CSRNP3: variants seen among roughly 807,000 people sequenced by gnomAD.
The protein encoded by CSRNP3 is cysteine and serine rich nuclear protein 3.
In CSRNP3, 12 loss-of-function variants were observed where a neutral mutation model predicts 48.0. That is an observed-to-expected ratio of 0.25 (90% CI 0.16 to 0.41). The LOEUF is 0.41. Ranked by LOEUF, CSRNP3 falls within the 10% of genes least tolerant of loss-of-function variation. CSRNP3 has a pLI of 1.00. For missense variants in CSRNP3, 580 were observed against 724.4 expected (o/e 0.80, Z 2.29); for synonymous variants, 263 against 269.7 (o/e 0.98, Z 0.24).
At chr2:165,481,191 G>C (rs1684037944) in intron 1 of CSRNP3, among the ~76,000 whole-genome samples, 1 of 152,010 alleles carries the variant, frequency 6.6e-6, no homozygotes, top group African/African-American at 2.4e-5. Flanking sequence ...TGAATGAGAA[G>C]GTTATATGCT....
At chr2:165,587,009 G>A (rs944215181) in intron 3 of CSRNP3, among the ~76,000 whole-genome samples, 6 of 152,090 alleles carry the variant, frequency 3.9e-5, no homozygotes, top group African/African-American at 1.4e-4. Flanking sequence ...TGAAACAATT[G>A]TACTTATAAT....
At chr2:165,548,769 A>T (rs969811767) in intron 3 of CSRNP3, among the ~76,000 whole-genome samples, 3 of 152,028 alleles carry the variant, frequency 2.0e-5, no homozygotes, top group African/African-American at 7.2e-5. Context: ...GACTTATTTA[A>T]TTCTGGGTAT....
intron 4 of CSRNP3, among the ~76,000 whole-genome samples, chr2:165,627,637 T>G (rs1368162259): frequency 6.6e-6 from 1 of 152,168 alleles, no homozygotes; most frequent in Non-Finnish European, 1.5e-5. Flanking sequence ...TCTGGTGCCC[T>G]CCACTACTAG....
At chr2:165,607,604 T>A (rs1435067672) in intron 4 of CSRNP3, among the ~76,000 whole-genome samples, 1 of 152,168 alleles carries the variant, frequency 6.6e-6, no homozygotes, top group African/African-American at 2.4e-5. Flanking sequence ...AACATTCTTC[T>A]CCTGAGGTAT....
chr2:165,536,666 G>T (rs999169715), intron 3 of CSRNP3, among the ~76,000 whole-genome samples: 2 of 151,856 alleles, frequency 1.3e-5, no homozygotes, highest in African/African-American at 4.8e-5. Context: ...GCAGTGAATA[G>T]AAAATGTATG....
rs118102873 is a variant in CSRNP3, at chr2:165,584,310, A to G, written c.-23-10733A>G. On this transcript the variant is annotated intron_variant, in intron 3 of 6. Transcript: ENST00000651982. The stretch of plus-strand genomic sequence containing the variant: ...CAGCAAGTCCCAGCCTCATTTTTCT[A>G]GCCCTCACTCAAGATGGGGTCGCTC... 7.8e-3 allele frequency among the ~76,000 whole-genome samples: 1,193 copies of G among 152,218 alleles called. 19 individuals carry two copies. The highest frequency in any genetic ancestry group is 0.041 in the Admixed American group (627 of 15,290).
intron 4 of CSRNP3, among the ~76,000 whole-genome samples, chr2:165,645,875 T>A (rs1332900291): frequency 1.3e-5 from 2 of 151,960 alleles, no homozygotes; most frequent in African/African-American, 2.4e-5. Flanking sequence ...CCTTGTAGGT[T>A]TTTTTTGTTT....
chr2:165,620,035 A>C (rs1042056827), intron 4 of CSRNP3, among the ~76,000 whole-genome samples: 4 of 152,192 alleles, frequency 2.6e-5, no homozygotes, highest in South Asian at 2.1e-4. Context: ...ATATCACAGA[A>C]GCAAAAATAC....
chr2:165,625,913 CAAAA>C (rs71028496), intron 4 of CSRNP3, among the ~76,000 whole-genome samples: 1 of 123,272 alleles, frequency 8.1e-6, no homozygotes, highest in Admixed American at 8.3e-5. Flanking sequence ...AACTCCATCT[CAAAA>C]AAAAAAAAAG....
intron 3 of CSRNP3, among the ~76,000 whole-genome samples, chr2:165,551,106 C>T (rs1317260540): frequency 1.3e-5 from 2 of 152,012 alleles, no homozygotes; most frequent in Admixed American, 6.6e-5. Context: ...CCAAATATTC[C>T]CGAGCTTTAG....
chr2:165,679,138 G>A lies in CSRNP3; in HGVS notation c.1143G>A (p.Glu381=), dbSNP rs1332600095. 6.2e-7 allele frequency: 1 copy of A among 1,613,738 alleles called. No individual in the cohort carries two copies. Among genetic ancestry groups the A allele is most frequent in the Admixed American group, 1.7e-5 (1 of 59,986 alleles). Residue 381 remains glutamate (E), a synonymous_variant, in exon 7 of 7, where the codon GAG becomes GAA. Coordinates refer to ENST00000651982, the MANE Select transcript of CSRNP3 (RefSeq NM_001172173.2). ...AGGAGGAAGAAGAAGAGGAAGAGGA[G>A]GAGGAGGATGACGATGATGACAAAG... The part of the protein sequence containing the change: ...EEEEEEEEEE[E]EEDDDDDKGD...
At chr2:165,583,819 A>C (rs1454690473) in intron 3 of CSRNP3, among the ~76,000 whole-genome samples, 4 of 152,176 alleles carry the variant, frequency 2.6e-5, no homozygotes, top group Non-Finnish European at 5.9e-5. Flanking sequence ...AAACAAACAC[A>C]AGCATGTACA....
chr2:165,608,934 CAAA>C (rs33952227), intron 4 of CSRNP3, among the ~76,000 whole-genome samples: 1,327 of 75,582 alleles, frequency 0.018, 24 homozygotes, highest in South Asian at 0.058. Context: ...ACTAAAAATA[CAAA>C]AAAAAAAAAA....
intron 5 of CSRNP3, among the ~76,000 whole-genome samples, chr2:165,665,929 GAA>G (rs1472343165): frequency 1.4e-5 from 2 of 147,958 alleles, no homozygotes; most frequent in Non-Finnish European, 3.0e-5. Flanking sequence ...GAGGAAGAAA[GAA>G]AGAGAGAGGA....
intron 2 of CSRNP3, among the ~76,000 whole-genome samples, chr2:165,508,156 T>C (rs1684454172): frequency 6.6e-6 from 1 of 152,120 alleles, no homozygotes; most frequent in Non-Finnish European, 1.5e-5. Context: ...GAAAGTACAC[T>C]GACTAACATA....
intron 4 of CSRNP3, among the ~76,000 whole-genome samples, chr2:165,618,276 T>G (rs1686284455): frequency 6.6e-6 from 1 of 152,328 alleles, no homozygotes; most frequent in African/African-American, 2.4e-5. Flanking sequence ...GGCTGGCTGC[T>G]TTGCTTTCCT....
chr2:165,679,239 G>A lies in CSRNP3; in HGVS notation c.1244G>A (p.Gly415Asp). Reference protein sequence around the residue: ...PLPSVLCYSDGTAVHESHAKN... With the variant: ...PLPSVLCYSDDTAVHESHAKN... ...CCTTCAGTTCTTTGTTATTCTGATGGCACCGCCGTTCACGAAAGCCATGCA... is the reference window on the plus strand; with the variant it reads ...CCTTCAGTTCTTTGTTATTCTGATGACACCGCCGTTCACGAAAGCCATGCA... Residue 415 changes from glycine (G) to aspartate (D), a missense_variant, in exon 7 of 7, where the codon GGC becomes GAC. Physicochemically the swap from Gly to Asp is moderately conservative, Grantham distance 94 (BLOSUM62 -1). Around this residue, in one of 4 missense-constraint regions of CSRNP3, gnomAD observed 369 missense variants for 380.8 expected, o/e 0.97. Coordinates refer to ENST00000651982, the MANE Select transcript of CSRNP3 (RefSeq NM_001172173.2). 1 of 1,613,850 alleles carries A rather than the reference G, an allele frequency of 6.2e-7. No individual in the cohort carries two copies. Among genetic ancestry groups the A allele is most frequent in the Non-Finnish European group, 8.5e-7 (1 of 1,179,962 alleles).
intron 3 of CSRNP3, among the ~76,000 whole-genome samples, chr2:165,557,963 A>G (rs1469675903): frequency 1.3e-5 from 2 of 152,246 alleles, no homozygotes; most frequent in African/African-American, 2.4e-5. Context: ...AGAGAGAGTT[A>G]ATATTCTTAT....
intron 4 of CSRNP3, among the ~76,000 whole-genome samples, chr2:165,620,930 A>G (rs773360412): frequency 1.6e-4 from 24 of 152,134 alleles, no homozygotes; most frequent in Non-Finnish European, 2.9e-4. Flanking sequence ...TAATATTATC[A>G]TTGTGTTTTA....
Sources: gnomAD v4.1 joint callset for allele counts (sites outside exome capture counted in the v4.1 genomes callset) on GRCh38, gnomAD v4.1.1 for gene constraint, gnomAD v4.1.1 regional missense constraint, MANE v1.5 for transcripts, NCBI Gene and HGNC (gene_info 2026-07-23, HGNC 2026-07-21) for gene names.